RIMS2: variants seen among roughly 807,000 people sequenced by gnomAD.
RIMS2 encodes regulating synaptic membrane exocytosis protein 2.
A neutral mutation model predicts 174.4 loss-of-function variants in RIMS2; 59 were observed. The observed-to-expected ratio is 0.34, with a 90% CI of 0.27 to 0.42. The LOEUF (loss-of-function observed/expected upper bound fraction) is 0.42. Among genes scored for constraint, RIMS2 ranks in the 10% least tolerant of loss-of-function variants. The pLI is 1.00. For missense variants in RIMS2, 1,620 were observed against 1,666.3 expected (o/e 0.97, Z 0.48); for synonymous variants, 606 against 572.5 (o/e 1.06, Z -0.84).
At chr8:103,695,127 T>G (rs900139488) in intron 1 of RIMS2, among the ~76,000 whole-genome samples, 1 of 152,202 alleles carries the variant, frequency 6.6e-6, no homozygotes, top group African/African-American at 2.4e-5. Context: ...TTGTCTGTGG[T>G]TGGGGAGGGA....
chr8:103,910,025 A>G, intron 4 of RIMS2: 2 of 629,226 alleles, frequency 3.2e-6, no homozygotes, highest in Non-Finnish European at 5.7e-6. Flanking sequence ...GCTACAGACA[A>G]AGTTCTTGAG....
intron 19 of RIMS2, among the ~76,000 whole-genome samples, chr8:104,131,727 T>C (rs1037827601): frequency 1.3e-5 from 2 of 151,996 alleles, no homozygotes; most frequent in African/African-American, 4.8e-5. Flanking sequence ...AAAATAATGG[T>C]GAATAAAGGG....
At chr8:103,525,828 G>A (rs546944642) in intron 1 of RIMS2, among the ~76,000 whole-genome samples, 2 of 152,222 alleles carry the variant, frequency 1.3e-5, no homozygotes, top group East Asian at 1.9e-4. Context: ...AAATTGAGAG[G>A]TGCACTTCTG....
At chr8:103,926,396 A>T (rs2078785806) in intron 10 of RIMS2, among the ~76,000 whole-genome samples, 1 of 151,486 alleles carries the variant, frequency 6.6e-6, no homozygotes, top group South Asian at 2.1e-4. Flanking sequence ...TTCCTTTGGG[A>T]ATATTTCCAC....
chr8:103,922,700 T>C (rs1233877932), intron 10 of RIMS2: 1 of 357,344 alleles, frequency 2.8e-6, no homozygotes, highest in Non-Finnish European at 5.9e-6. Context: ...AAAGATAGCT[T>C]TTTGTTAAAT....
chr8:103,652,476 C>T, intron 1 of RIMS2, 148 bp from the exon 3 acceptor site: 1 of 427,644 alleles, frequency 2.3e-6, no homozygotes, highest in Admixed American at 3.4e-5. Context: ...AATTTCCCTA[C>T]ATTTTGACTG....
intron 3 of RIMS2, among the ~76,000 whole-genome samples, chr8:103,881,626 A>G (rs2099167655): frequency 1.3e-5 from 2 of 151,564 alleles, no homozygotes; most frequent in African/African-American, 4.8e-5. Flanking sequence ...CATAGTTAGA[A>G]TAACATTTAT....
chr8:103,507,953 A>G (rs989953286), intron 1 of RIMS2, among the ~76,000 whole-genome samples: 6 of 152,146 alleles, frequency 3.9e-5, no homozygotes, highest in African/African-American at 1.4e-4. Context: ...GTGTCATGAA[A>G]AAATACTGTA....
chr8:103,928,991 A>G (rs1185124351), intron 11 of RIMS2, among the ~76,000 whole-genome samples: 1 of 151,664 alleles, frequency 6.6e-6, no homozygotes, highest in Non-Finnish European at 1.5e-5. Flanking sequence ...CTGGATATCT[A>G]TAAAAAACTT....
At chr8:103,585,153 G>A (rs1210161842) in intron 1 of RIMS2, among the ~76,000 whole-genome samples, 1 of 152,094 alleles carries the variant, frequency 6.6e-6, no homozygotes, top group Admixed American at 6.6e-5. Context: ...GGTCATCACT[G>A]GTCATTAGAG....
chr8:103,932,148 G>C (rs2080100685), intron 12 of RIMS2, among the ~76,000 whole-genome samples: 5 of 152,162 alleles, frequency 3.3e-5, no homozygotes, highest in Admixed American at 2.6e-4. Flanking sequence ...TTATCTGTCT[G>C]CATCCCTGCC....
chr8:103,502,864 T>G (rs1421765549), intron 1 of RIMS2, among the ~76,000 whole-genome samples: 1 of 152,070 alleles, frequency 6.6e-6, no homozygotes, highest in African/African-American at 2.4e-5. Context: ...AGTTCTAAGT[T>G]TATTTGTTGT....
intron 19 of RIMS2, among the ~76,000 whole-genome samples, chr8:104,230,719 A>G (rs1156448661): frequency 6.6e-6 from 1 of 152,228 alleles, no homozygotes; most frequent in Non-Finnish European, 1.5e-5. Flanking sequence ...ATCACAGGCC[A>G]GGAAAGAAAC....
rs201715496 is a variant in RIMS2, at chr8:103,989,369, C to T, written c.2992C>T (p.Arg998Ter). The T allele has an allele frequency of 1.2e-6, 2 of 1,613,256 alleles. No homozygotes were observed. The highest frequency in any genetic ancestry group is 1.3e-5 in the African/African-American group (1 of 74,846). The change falls in exon 17 of 24, where the codon CGA becomes TGA. Residue 998 changes from arginine to a stop codon, truncating the protein, a stop_gained. Coordinates refer to ENST00000504942, the Ensembl canonical transcript of RIMS2. LOFTEE classifies it high-confidence loss of function. ...GACCGGACATTATAATACAATTAGC[C>T]GAATGGACAGACATCGTGTCATGGA...
At chr8:103,979,375 A>C (rs761915214) in intron 16 of RIMS2, among the ~76,000 whole-genome samples, 7 of 152,218 alleles carry the variant, frequency 4.6e-5, no homozygotes, top group Non-Finnish European at 8.8e-5. Context: ...TATTGGTTGC[A>C]ATGTAAACTA....
intron 2 of RIMS2, among the ~76,000 whole-genome samples, chr8:103,764,989 A>G (rs549656213): frequency 1.3e-5 from 2 of 152,304 alleles, no homozygotes; most frequent in Non-Finnish European, 2.9e-5. Flanking sequence ...AAACTATGAA[A>G]TGGAATAATG....
intron 1 of RIMS2, among the ~76,000 whole-genome samples, chr8:103,591,915 C>T (rs1183007519): frequency 9.3e-5 from 14 of 151,038 alleles, no homozygotes; most frequent in Admixed American, 9.3e-4. Flanking sequence ...AAGAAAGAAT[C>T]AGCTAGTCAA....
intron 19 of RIMS2, among the ~76,000 whole-genome samples, chr8:104,023,825 A>G (rs1007695310): frequency 6.6e-6 from 1 of 152,222 alleles, no homozygotes; most frequent in African/African-American, 2.4e-5. Context: ...AGGTCCAAGA[A>G]GTGTAAACTG....
intron 17 of RIMS2, among the ~76,000 whole-genome samples, chr8:104,000,462 A>C (rs892687242): frequency 4.6e-5 from 7 of 151,708 alleles, no homozygotes; most frequent in African/African-American, 1.7e-4. Flanking sequence ...TCATTTGTTG[A>C]TGGACAATTA....
Sources: allele counts gnomAD v4.1 joint callset (sites outside exome capture counted in the v4.1 genomes callset), GRCh38; gene constraint gnomAD v4.1.1; transcripts MANE v1.5; gene names NCBI Gene and HGNC (gene_info 2026-07-23, HGNC 2026-07-21).